Variants in SNED1 observed in about 807,000 individuals in gnomAD.
SNED1 encodes sushi, nidogen and EGF-like domain-containing protein 1.
Under a neutral mutation model 166.7 loss-of-function variants are expected in SNED1, and 81 were observed. That is an observed-to-expected ratio of 0.49 (90% confidence interval 0.41 to 0.58). SNED1 has a LOEUF of 0.58. Among genes scored for constraint, SNED1 ranks in the 20% least tolerant of loss-of-function variants. The pLI is 0.00. For synonymous variants in SNED1, 762 were observed against 822.0 expected, an observed-to-expected ratio of 0.93 and a Z score of 1.25; for missense variants, 1,604 against 2,000.2, an observed-to-expected ratio of 0.80 and a Z score of 3.78.
intron 8 of SNED1, among the ~76,000 whole-genome samples, chr2:241,046,827 C>T (rs955418290): frequency 1.3e-5 from 2 of 152,108 alleles, no homozygotes; most frequent in African/African-American, 4.8e-5. Flanking sequence ...TTTGAAAGCA[C>T]GTGAAGAAAC....
Position 241,051,884 on chromosome 2 carries a change from G to T in SNED1, c.1852+24G>T. 2.0e-6 allele frequency: 3 copies of T among 1,520,358 alleles called. No homozygotes were observed. The highest frequency in any genetic ancestry group is 2.7e-6 in the Non-Finnish European group (3 of 1,128,250). The allele number at this position is 1,520,358 out of a possible 1,614,324, so 94.2% of individuals were successfully genotyped here. On this transcript the variant is annotated intron_variant, in intron 13 of 31. Coordinates refer to ENST00000310397, the MANE Select transcript of SNED1 (RefSeq NM_001080437.3). This position sits in a 1 kb window ranked among gnomAD's most constrained non-coding sequence, Gnocchi z 4.7. ...CGGTGCGGCCCCCAGGGGCAGGGGG[G>T]AGGGCAGGAACGACGGGCCAGCCCT...
At chr2:240,998,561 G>GCCC (rs536877002), upstream of SNED1, among the ~76,000 whole-genome samples, 3 of 151,716 alleles carry the variant, frequency 2.0e-5, no homozygotes, top group African/African-American at 7.3e-5. Context: ...GCATGGCCCC[G>GCCC]CCCCCCCGAG....
chr2:241,024,652 C>CTTTTATTTTATTTTATT (rs1553560326), intron 1 of SNED1, among the ~76,000 whole-genome samples: 1 of 139,540 alleles, frequency 7.2e-6, no homozygotes, highest in African/African-American at 2.8e-5. Flanking sequence ...CTTATTTTAT[C>CTTTTATTTTATTTTATT]TTATTTTATT....
intron 1 of SNED1, among the ~76,000 whole-genome samples, chr2:241,024,019 G>A (rs1318748954): frequency 4.0e-5 from 6 of 148,352 alleles, no homozygotes; most frequent in African/African-American, 1.5e-4. Context: ...CTAAGTAGCT[G>A]AGACTACAGG....
rs1425855695 is a variant in SNED1, at chr2:240,999,172, T to A, written c.213+122T>A. On this transcript the variant is annotated intron_variant, in intron 1 of 31. Transcript: ENST00000310397. The surrounding 1 kb of genome is among the most constrained non-coding windows in gnomAD (Gnocchi z 5.8). ...CACTTGGCACCGGGGCGGCCCGAGG[T>A]GGAATGAGGACAGCGCTTCCTCCTC... 6.1e-6 allele frequency: 3 copies of A among 488,492 alleles called. No individual in the cohort carries two copies. The African/African-American group carries it at 6.2e-5, about 10-fold the overall frequency. 30.3% of individuals were successfully genotyped at this position (488,492 alleles called of 1,614,324 possible). A position where few individuals can be genotyped will look rare whatever the true frequency, so the allele number is the denominator to read the frequency against.
At position 241,026,770 on chromosome 2, in the gene SNED1, A is replaced by G. The variant is rs118057494; in HGVS notation, c.214-3514A>G. ...CACATAACATAAAATTTAATATCAT[A>G]GCCATTTTTAAATGTGTGGTTCAAT... On this transcript the variant is annotated intron_variant, in intron 1 of 31. Coordinates refer to ENST00000310397, the MANE Select transcript of SNED1 (RefSeq NM_001080437.3). Among the ~76,000 whole-genome samples the G allele has an allele frequency of 1.4e-4, 22 of 152,342 alleles. No homozygotes were observed. In the East Asian group the frequency reaches 4.2e-3, roughly 29 times the overall value.
intron 4 of SNED1, among the ~76,000 whole-genome samples, chr2:241,036,461 G>A (rs983723354): frequency 6.6e-6 from 1 of 152,148 alleles, no homozygotes; most frequent in Non-Finnish European, 1.5e-5. Context: ...ACCCTGGAGG[G>A]GAGGCGGAGT....
intron 1 of SNED1, among the ~76,000 whole-genome samples, chr2:241,005,866 T>A (rs1178683839): frequency 6.6e-6 from 1 of 152,112 alleles, no homozygotes; most frequent in East Asian, 1.9e-4. Flanking sequence ...TTAGGTGTAT[T>A]GTTGTAGGGC....
rs776698657 is a variant in SNED1 at position 241,087,359 on chromosome 2, G to C, written c.4122-33G>C. The C allele has an allele frequency of 3.9e-5, 61 of 1,564,086 alleles. No individual in the cohort carries two copies. In the Admixed American group the frequency reaches 1.1e-3, roughly 29 times the overall value. On this transcript the variant is annotated intron_variant, in intron 29 of 31. Transcript: ENST00000310397. ...GCAGTTGGCAACATTTTGCTTCACT[G>C]TCTGGTTTTACAAAGCTTTCTTGTG... is the stretch of plus-strand genomic sequence containing the variant.
chr2:241,049,176 G>A, intron 11 of SNED1, 41 bp downstream of exon 11: 1 of 1,504,706 alleles, frequency 6.6e-7, no homozygotes, highest in Non-Finnish European at 9.1e-7. Flanking sequence ...CGGGGGCCCG[G>A]ACAGAAGCCA....
intron 1 of SNED1, among the ~76,000 whole-genome samples, chr2:241,011,103 A>AGGTCTCCTG (rs1298965305): frequency 5.3e-4 from 59 of 111,312 alleles, no homozygotes; most frequent in African/African-American, 2.4e-3. Flanking sequence ...TGGGGGTGGC[A>AGGTCTCCTG]GGTCTCCTGG....
At chr2:241,053,840 C>G (rs2061956340) in intron 16 of SNED1, among the ~76,000 whole-genome samples, 1 of 152,230 alleles carries the variant, frequency 6.6e-6, no homozygotes, top group Non-Finnish European at 1.5e-5. Context: ...CTCCCTCTGA[C>G]CGAAGCCCCT....
chr2:241,061,729 A>T (rs2062236455), intron 16 of SNED1, among the ~76,000 whole-genome samples: 1 of 152,054 alleles, frequency 6.6e-6, no homozygotes, highest in African/African-American at 2.4e-5. Context: ...TACTAAAAAT[A>T]CAAAAATTAG....
rs966338085 is a variant in SNED1, at chr2:241,064,706, G to A, written c.2600-138G>A. 2.6e-5 allele frequency: 16 copies of A among 607,648 alleles called. No homozygotes were observed. In the East Asian group the frequency reaches 4.4e-4, roughly 17 times the overall value. The allele number at this position is 607,648 out of a possible 1,614,324, so 37.6% of individuals were successfully genotyped here. The stretch of plus-strand genomic sequence containing the variant: ...GGCAGTGGAGGTGGCAGAACCGAAG[G>A]GAGGCAGTAGCTGTCCTGTGCCCCC... On this transcript the variant is annotated intron_variant, in intron 19 of 31. Transcript: ENST00000310397. This position sits in a 1 kb window ranked among gnomAD's most constrained non-coding sequence, Gnocchi z 7.0.
At chr2:241,057,377 C>CAAAAAAAA (rs1177179331) in intron 16 of SNED1, among the ~76,000 whole-genome samples, 1 of 75,118 alleles carries the variant, frequency 1.3e-5, no homozygotes, top group African/African-American at 9.2e-5. Flanking sequence ...AACTCCATCT[C>CAAAAAAAA]AAAATATATA....
chr2:241,022,834 T>A (rs1007678660), intron 1 of SNED1, among the ~76,000 whole-genome samples: 7 of 152,212 alleles, frequency 4.6e-5, no homozygotes, highest in Non-Finnish European at 1.0e-4. Flanking sequence ...TTACCTAAAA[T>A]TTTTGAAAGT....
At chr2:241,024,786 C>G (rs2060902317) in intron 1 of SNED1, among the ~76,000 whole-genome samples, 1 of 150,768 alleles carries the variant, frequency 6.6e-6, no homozygotes, top group Non-Finnish European at 1.5e-5. Context: ...ATTCTCCTGC[C>G]TCAGCCTCCC....
At chr2:241,011,274 G>GGGTCTCCTGGGTCTCCTGGGGGTGGCA (rs1416738033) in intron 1 of SNED1, among the ~76,000 whole-genome samples, 4 of 150,462 alleles carry the variant, frequency 2.7e-5, no homozygotes, top group African/African-American at 7.4e-5. Flanking sequence ...CAGGTCTCCT[G>GGGTCTCCTGGGTCTCCTGGGGGTGGCA]GGTCTCCTGG....
At chr2:241,059,826 A>G (rs2125157809) in intron 16 of SNED1, among the ~76,000 whole-genome samples, 1 of 152,372 alleles carries the variant, frequency 6.6e-6, no homozygotes, top group Admixed American at 6.5e-5. Context: ...CAGTGGTGAA[A>G]GACTCCACCT....
Sources: gnomAD v4.1 joint callset for allele counts (sites outside exome capture counted in the v4.1 genomes callset) on GRCh38, gnomAD v4.1.1 for gene constraint, Gnocchi (gnomAD v3.1) non-coding constraint, MANE v1.5 for transcripts, NCBI Gene and HGNC (gene_info 2026-07-23, HGNC 2026-07-21) for gene names.